GTF2A1: variants seen among roughly 807,000 people sequenced by gnomAD.
The protein encoded by GTF2A1 is transcription initiation factor IIA subunit 1.
Under a neutral mutation model 54.1 loss-of-function variants are expected in GTF2A1, and 12 were observed. The observed-to-expected ratio is 0.22, with a 90% confidence interval of 0.14 to 0.36. The LOEUF (loss-of-function observed/expected upper bound fraction) is 0.36, where lower values mean the gene tolerates loss of function less well. GTF2A1 is among the 10% of genes least tolerant of loss of function. The pLI is 1.00. For missense variants in GTF2A1, 335 were observed against 442.2 expected, an observed-to-expected ratio of 0.76 and a Z score of 2.17; for synonymous variants, 145 against 152.0, an observed-to-expected ratio of 0.95 and a Z score of 0.34.
At chr14:81,184,559 C>A (rs561919572) in intron 8 of GTF2A1, among the ~76,000 whole-genome samples, 4 of 152,200 alleles carry the variant, frequency 2.6e-5, no homozygotes, top group Non-Finnish European at 4.4e-5. Context: ...AAATAAGATC[C>A]ATAGTGTTGG....
chr14:81,200,804 A>G (rs1273771388), intron 4 of GTF2A1, among the ~76,000 whole-genome samples: 1 of 151,240 alleles, frequency 6.6e-6, no homozygotes, highest in African/African-American at 2.4e-5. Flanking sequence ...AACAGTCTGT[A>G]TATTTTAAAC....
chr14:81,190,832 T>C (rs1892860368), intron 7 of GTF2A1, among the ~76,000 whole-genome samples: 5 of 152,104 alleles, frequency 3.3e-5, no homozygotes. Flanking sequence ...TCATATAAGA[T>C]GTGAAAGTCT....
chr14:81,216,612 A>G (rs950502971), intron 1 of GTF2A1, 98 bp from the exon 2 acceptor site: 1 of 622,862 alleles, frequency 1.6e-6, no homozygotes. Flanking sequence ...TCATTTTGCC[A>G]ACTATCTATA....
At chr14:81,215,913 T>A (rs771111259) in intron 2 of GTF2A1, among the ~76,000 whole-genome samples, 1 of 152,128 alleles carries the variant, frequency 6.6e-6, no homozygotes, top group African/African-American at 2.4e-5. Flanking sequence ...CATGTGCCTG[T>A]AGTCCCAGGG....
rs761404014 is a variant in GTF2A1 at position 81,203,973 on chromosome 14, C to CTGATGA, written c.258_263dup (p.His86_His87dup). 1 of 1,614,000 alleles carries CTGATGA rather than the reference C, an allele frequency of 6.2e-7. No individual in the cohort carries two copies. The highest frequency in any genetic ancestry group is 2.2e-5 in the East Asian group (1 of 44,874). On this transcript the variant is annotated inframe_insertion, in exon 3 of 9. Transcript: ENST00000553612. ...GTACTGTCTGCTGAGGCTGAGCTTGCTGATGATGGTGATGGTGGTGATGCT... is the reference window on the plus strand; with the variant it reads ...GTACTGTCTGCTGAGGCTGAGCTTGCTGATGATGATGATGGTGATGGTGGTGATGCT...
intron 8 of GTF2A1, among the ~76,000 whole-genome samples, chr14:81,183,026 C>G (rs1044560970): frequency 5.9e-5 from 9 of 152,102 alleles, no homozygotes; most frequent in South Asian, 4.1e-4. Context: ...TTTTCCATAC[C>G]GACTATCAGC....
At chr14:81,211,876 T>TATATATATATATATATATATATATAC (rs1893374892) in intron 2 of GTF2A1, among the ~76,000 whole-genome samples, 1 of 10,870 alleles carries the variant, frequency 9.2e-5, no homozygotes, top group Admixed American at 1.4e-3. Flanking sequence ...TCAAGTACTT[T>TATATATATATATATATATATATATAC]ATATATATAT....
intron 3 of GTF2A1, among the ~76,000 whole-genome samples, chr14:81,202,318 T>C (rs142973325): frequency 2.2e-4 from 33 of 152,362 alleles, no homozygotes; most frequent in African/African-American, 7.5e-4. Context: ...TACAATGAGT[T>C]ACTAATCCAA....
At chr14:81,189,316 C>G (rs980376230) in intron 7 of GTF2A1, among the ~76,000 whole-genome samples, 1 of 152,090 alleles carries the variant, frequency 6.6e-6, no homozygotes, top group Admixed American at 6.5e-5. Context: ...GGCAGAAAAA[C>G]AAGAAGAAAT....
At chr14:81,195,631 C>CG (rs1413930731) in intron 6 of GTF2A1, among the ~76,000 whole-genome samples, 8 of 9,322 alleles carry the variant, frequency 8.6e-4, no homozygotes, top group Admixed American at 3.4e-3. Context: ...GACTCTGTCT[C>CG]GAAAAAAAAA....
chr14:81,205,701 C>T (rs991774768), intron 2 of GTF2A1, among the ~76,000 whole-genome samples: 2 of 152,156 alleles, frequency 1.3e-5, no homozygotes, highest in African/African-American at 4.8e-5. Context: ...AAAAGGGGAA[C>T]CAACTGAATA....
intron 7 of GTF2A1, 70 bp downstream of exon 7, chr14:81,192,449 A>G (rs771559505): frequency 1.1e-5 from 12 of 1,115,450 alleles, no homozygotes; most frequent in Non-Finnish European, 1.3e-5. Flanking sequence ...GATATAATTT[A>G]TCAGTGTTGT....
chr14:81,204,259 A>G, intron 2 of GTF2A1, 155 bp from the exon 3 acceptor site: 1 of 767,764 alleles, frequency 1.3e-6, no homozygotes, highest in Non-Finnish European at 2.3e-6. Flanking sequence ...CAAGTGAAAC[A>G]ATAACAAAAA....
intron 2 of GTF2A1, among the ~76,000 whole-genome samples, chr14:81,208,711 T>C (rs532553852): frequency 6.6e-6 from 1 of 152,222 alleles, no homozygotes; most frequent in Non-Finnish European, 1.5e-5. Flanking sequence ...CGGGGCAGAG[T>C]TGCCCAAGAC....
intron 2 of GTF2A1, among the ~76,000 whole-genome samples, chr14:81,211,867 C>T (rs1388142866): frequency 1.3e-5 from 1 of 78,292 alleles, no homozygotes; most frequent in African/African-American, 6.0e-5. Context: ...TAGAGTGTAT[C>T]AAGTACTTTA....
intron 7 of GTF2A1, among the ~76,000 whole-genome samples, chr14:81,187,581 C>T (rs1892777939): frequency 6.6e-6 from 1 of 152,170 alleles, no homozygotes; most frequent in South Asian, 2.1e-4. Flanking sequence ...TTTGCCTATT[C>T]TGGATATTTC....
At chr14:81,200,376 C>T (rs1359018813) in intron 4 of GTF2A1, among the ~76,000 whole-genome samples, 1 of 152,046 alleles carries the variant, frequency 6.6e-6, no homozygotes, top group Non-Finnish European at 1.5e-5. Flanking sequence ...GTAATCCTAA[C>T]ACTTCAGGAG....
intron 1 of GTF2A1, among the ~76,000 whole-genome samples, chr14:81,219,897 CTGAGA>C (rs1268752536): frequency 6.6e-6 from 1 of 152,152 alleles, no homozygotes; most frequent in African/African-American, 2.4e-5. Context: ...TCGGAAGGAA[CTGAGA>C]TAAGTGCTTT....
chr14:81,211,650 G>A (rs912709378), intron 2 of GTF2A1, among the ~76,000 whole-genome samples: 5 of 151,856 alleles, frequency 3.3e-5, no homozygotes, highest in Non-Finnish European at 7.4e-5. Flanking sequence ...CAAGCCCAGA[G>A]GTTAGGTGGC....
Sources: allele counts gnomAD v4.1 joint callset (sites outside exome capture counted in the v4.1 genomes callset), GRCh38; gene constraint gnomAD v4.1.1; transcripts MANE v1.5; gene names NCBI Gene and HGNC (gene_info 2026-07-23, HGNC 2026-07-21).